The following C5orf47 variants were observed in gnomAD, a reference collection of about 807,000 sequenced individuals.
C5orf47 encodes uncharacterized protein C5orf47.
In C5orf47, 20 loss-of-function variants were observed where a neutral mutation model predicts 20.6. That is an observed-to-expected ratio of 0.97 (90% CI 0.68 to 1.41). C5orf47 has a LOEUF of 1.41. Among genes scored for constraint, C5orf47 ranks in the 40% most tolerant of loss-of-function variants. The pLI is 0.00. For synonymous variants in C5orf47, 106 were observed against 97.3 expected (o/e 1.09, Z -0.53); for missense variants, 262 against 238.4 (o/e 1.10, Z -0.65).
chr5:173,998,691 C>T (rs569959927), intron 2 of C5orf47, among the ~76,000 whole-genome samples: 4 of 152,248 alleles, frequency 2.6e-5, no homozygotes, highest in East Asian at 1.9e-4. Context: ...GAGCTGTTCT[C>T]GCTGCTAGTT....
intron 2 of C5orf47, among the ~76,000 whole-genome samples, chr5:173,998,785 A>G (rs1303833015): frequency 3.9e-5 from 6 of 152,194 alleles, no homozygotes; most frequent in Non-Finnish European, 8.8e-5. Flanking sequence ...CTGTATGTTT[A>G]TATTTCACAG....
chr5:174,008,296 C>T (rs143341626), downstream of C5orf47, among the ~76,000 whole-genome samples: 1 of 152,262 alleles, frequency 6.6e-6, no homozygotes, highest in African/African-American at 2.4e-5. Context: ...TATTAGGTGA[C>T]ACAGAAGGTT....
intron 1 of C5orf47, among the ~76,000 whole-genome samples, chr5:173,994,906 C>T (rs943204914): frequency 6.6e-6 from 1 of 150,512 alleles, no homozygotes; most frequent in Non-Finnish European, 1.5e-5. Context: ...CTCTGCCTCC[C>T]AGGTTCAAGT....
In C5orf47 at chr5:173,989,299, G is replaced by C; in HGVS notation, c.36G>C (p.Ser12=). 1.4e-6 allele frequency: 2 copies of C among 1,401,394 alleles called. No homozygotes were observed. Among genetic ancestry groups the C allele is most frequent in the Non-Finnish European group, 9.3e-7 (1 of 1,072,656 alleles). The allele number at this position is 1,401,394 out of a possible 1,614,324, so 86.8% of individuals were successfully genotyped here. A position where few individuals can be genotyped will look rare whatever the true frequency, so the allele number is the denominator to read the frequency against. ...CAGGCCGGGGTCGGGAGCAGGACTC[G>C]GCGCGCTTCGTCTATGTGACGCGCT... is the stretch of plus-strand genomic sequence containing the variant. ...AAAGRGREQD[S]ARFVYVTRFG... The change falls in exon 1 of 5, where the codon TCG becomes TCC. Residue 12 remains serine (S), a synonymous_variant. Coordinates refer to ENST00000340147, the MANE Select transcript of C5orf47 (RefSeq NM_001144954.2).
intron 2 of C5orf47, among the ~76,000 whole-genome samples, chr5:173,999,324 A>T (rs1192286047): frequency 1.3e-5 from 2 of 152,200 alleles, no homozygotes; most frequent in Admixed American, 1.3e-4. Context: ...TGTTTAAAAA[A>T]TCAAATCATT....
Position 174,001,693 on chromosome 5 carries a change from C to T in C5orf47, c.*16+462C>T, listed in dbSNP as rs556720850. ...TATGGCCCTTGTCCTGCCTCACTTA[C>T]CATATTTACCTTTGCTACCACCTAA... On this transcript the variant is annotated intron_variant, in intron 4 of 4. Transcript: ENST00000340147. Among the ~76,000 whole-genome samples, 3 of 152,164 alleles carry T rather than the reference C, an allele frequency of 2.0e-5. No individual in the cohort carries two copies. In the South Asian group the frequency reaches 6.2e-4, roughly 32 times the overall value.
Position 173,989,433 on chromosome 5 carries a change from C to A in C5orf47, c.170C>A (p.Ala57Glu). The A allele has an allele frequency of 1.3e-6, 2 of 1,549,572 alleles. No homozygotes were observed. Among genetic ancestry groups the A allele is most frequent in the Non-Finnish European group, 1.7e-6 (2 of 1,146,010 alleles). The part of the protein sequence containing the change: ...AGCRQEKPRE[A>E]MAVAGVQGGS... ...TGTCGCCAGGAGAAGCCGAGGGAAGCAATGGCGGTGGCGGGCGTTCAGGGT... is the reference window on the plus strand; with the variant it reads ...TGTCGCCAGGAGAAGCCGAGGGAAGAAATGGCGGTGGCGGGCGTTCAGGGT... The change falls in exon 1 of 5, where the codon GCA becomes GAA. Residue 57 changes from alanine to glutamate, a missense_variant. Physicochemically the swap from Ala to Glu is moderately radical, Grantham distance 107 (BLOSUM62 -1). Coordinates refer to ENST00000340147, the MANE Select transcript of C5orf47 (RefSeq NM_001144954.2).
intron 1 of C5orf47, 47 bp downstream of exon 1, chr5:173,989,635 G>A: frequency 3.7e-6 from 5 of 1,335,478 alleles, no homozygotes; most frequent in Admixed American, 3.7e-5. Context: ...GGGCGGGACG[G>A]GGCGGAGCGG....
rs1352571041 is a variant in C5orf47, at chr5:174,005,895, G to T, written c.*1641G>T. On this transcript the variant is annotated 3_prime_UTR_variant, in exon 5 of 5. Coordinates refer to ENST00000340147, the MANE Select transcript of C5orf47 (RefSeq NM_001144954.2). The stretch of plus-strand genomic sequence containing the variant: ...TTTATTTCACTGTTCTAGAACCATG[G>T]AGGAATGAAGACTCCCACTGAAATG... 1 of 152,308 alleles carries T rather than the reference G, an allele frequency of 6.6e-6. No individual in the cohort carries two copies. Among genetic ancestry groups the T allele is most frequent in the African/African-American group, 2.4e-5 (1 of 41,446 alleles). The allele number at this position is 152,308 out of a possible 1,614,324, so 9.4% of individuals were successfully genotyped here.
chr5:173,991,111 G>C (rs559613541), intron 1 of C5orf47, among the ~76,000 whole-genome samples: 1 of 152,006 alleles, frequency 6.6e-6, no homozygotes, highest in Non-Finnish European at 1.5e-5. Context: ...TGGACATTTC[G>C]TATATGTTGA....
rs996481333 is a variant in C5orf47 at position 174,005,787 on chromosome 5, A to T, written c.*1533A>T. On this transcript the variant is annotated 3_prime_UTR_variant, in exon 5 of 5. Transcript: ENST00000340147. The stretch of plus-strand genomic sequence containing the variant: ...ATATTTATGTGACTTATACAACTTG[A>T]CATAGTAGTCTGTTTTAATTTATTA... 3.9e-5 allele frequency: 6 copies of T among 152,340 alleles called. No homozygotes were observed. The highest frequency in any genetic ancestry group is 2.6e-4 in the Admixed American group (4 of 15,278). 9.4% of individuals were successfully genotyped at this position (152,340 alleles called of 1,614,324 possible).
At chr5:173,995,264 G>A (rs1023761246) in intron 1 of C5orf47, among the ~76,000 whole-genome samples, 16 of 152,200 alleles carry the variant, frequency 1.1e-4, no homozygotes, top group African/African-American at 3.6e-4. Flanking sequence ...CAAGTAGTCT[G>A]CTCTCGAGGG....
At chr5:174,009,187 G>T (rs961048833), downstream of C5orf47, among the ~76,000 whole-genome samples, 1 of 152,024 alleles carries the variant, frequency 6.6e-6, no homozygotes, top group African/African-American at 2.4e-5. Context: ...CTCCAGCCTG[G>T]GTGACAGAGC....
At chr5:174,002,046 T>A (rs1759208636) in intron 4 of C5orf47, among the ~76,000 whole-genome samples, 1 of 151,740 alleles carries the variant, frequency 6.6e-6, no homozygotes, top group South Asian at 2.1e-4. Flanking sequence ...CTCTAACTCC[T>A]GGACTCAAGT....
Position 173,989,478 on chromosome 5 carries a change from G to T in C5orf47, c.215G>T (p.Gly72Val), listed in dbSNP as rs1029065220. 7.1e-6 allele frequency: 11 copies of T among 1,548,792 alleles called. No individual in the cohort carries two copies. In the African/African-American group the frequency reaches 1.4e-4, roughly 19 times the overall value. ...GVQGGSELPLGSQLRVPTTPG... is the reference protein window; with the variant it reads ...GVQGGSELPLVSQLRVPTTPG... ...CAGGGTGGCAGCGAGCTGCCCCTCGGTTCCCAGCTCAGGGTCCCCACGACC... is the reference window on the plus strand; with the variant it reads ...CAGGGTGGCAGCGAGCTGCCCCTCGTTTCCCAGCTCAGGGTCCCCACGACC... The change falls in exon 1 of 5, where the codon GGT (glycine) becomes GTT (valine). Residue 72 changes from glycine to valine, a missense_variant. Coordinates refer to ENST00000340147, the MANE Select transcript of C5orf47 (RefSeq NM_001144954.2).
chr5:173,999,809 C>T lies in C5orf47; in HGVS notation c.511+10C>T. 6 of 1,415,588 alleles carry T rather than the reference C, an allele frequency of 4.2e-6. No homozygotes were observed. The highest frequency in any genetic ancestry group is 1.3e-5 in the South Asian group (1 of 77,016). 87.7% of individuals were successfully genotyped at this position (1,415,588 alleles called of 1,614,324 possible). A position where few individuals can be genotyped will look rare whatever the true frequency, so the allele number is the denominator to read the frequency against. On this transcript the variant is annotated intron_variant, in intron 3 of 4. Coordinates refer to ENST00000340147, the MANE Select transcript of C5orf47 (RefSeq NM_001144954.2). ...AGGTTATCTAGTGAAAGTAAGTTAA[C>T]ACAATTTTTATTGTATTAAAAAGAC... is the stretch of plus-strand genomic sequence containing the variant.
chr5:173,995,301 TATAAACTAGTAG>T (rs1245502827), intron 1 of C5orf47, among the ~76,000 whole-genome samples: 7 of 152,120 alleles, frequency 4.6e-5, no homozygotes, highest in Non-Finnish European at 8.8e-5. Flanking sequence ...ATAATGGAAA[TATAAACTAGTAG>T]ATATGAGTGT....
At position 173,989,210 on chromosome 5, in the gene C5orf47, G is replaced by A. The variant is rs1368253634; in HGVS notation, c.-54G>A. On this transcript the variant is annotated 5_prime_UTR_variant, in exon 1 of 5. Transcript: ENST00000340147. ...CCTCGCCTGCACAGTGGGCAGTCTG[G>A]CGCCTGTGGCGTCGTGTTTGCTGAG... 7.4e-7 allele frequency: 1 copy of A among 1,357,100 alleles called. No homozygotes were observed. 84.1% of individuals were successfully genotyped at this position (1,357,100 alleles called of 1,614,324 possible).
chr5:173,999,631 A>G lies in C5orf47; in HGVS notation c.412-69A>G, dbSNP rs1228945255. ...CATACAACACAGTTGAGGCATTCCCAGTTGCCTCCATGAAAATATATTCCT... is the reference window on the plus strand; with the variant it reads ...CATACAACACAGTTGAGGCATTCCCGGTTGCCTCCATGAAAATATATTCCT... On this transcript the variant is annotated intron_variant, in intron 2 of 4. Coordinates refer to ENST00000340147, the MANE Select transcript of C5orf47 (RefSeq NM_001144954.2). 6 of 642,606 alleles carry G rather than the reference A, an allele frequency of 9.3e-6. No homozygotes were observed. In the South Asian group the frequency reaches 1.0e-4, roughly 11 times the overall value. 39.8% of individuals were successfully genotyped at this position (642,606 alleles called of 1,614,324 possible).
Sources: gnomAD v4.1 joint callset for allele counts (sites outside exome capture counted in the v4.1 genomes callset) on GRCh38, gnomAD v4.1.1 for gene constraint, MANE v1.5 for transcripts, NCBI Gene and HGNC (gene_info 2026-07-23, HGNC 2026-07-21) for gene names.